UNC13C: variants seen among roughly 807,000 people sequenced by gnomAD.
UNC13C encodes the protein protein unc-13 homolog C.
A neutral mutation model predicts 245.4 loss-of-function variants in UNC13C; 174 were observed. That is an observed-to-expected ratio of 0.71 (90% confidence interval 0.63 to 0.80). The LOEUF (loss-of-function observed/expected upper bound fraction) is 0.80. Among genes scored for constraint, UNC13C ranks in the 30% least tolerant of loss-of-function variants. The pLI, the probability that UNC13C is intolerant of heterozygous loss-of-function variation, is 0.00. For synonymous variants in UNC13C, 992 were observed against 895.1 expected (o/e 1.11, Z -1.93); for missense variants, 2,829 against 2,602.9 (o/e 1.09, Z -1.89).
intron 4 of UNC13C, among the ~76,000 whole-genome samples, chr15:54,192,729 A>T (rs552503663): frequency 6.6e-6 from 1 of 152,122 alleles, no homozygotes; most frequent in Non-Finnish European, 1.5e-5. Context: ...TTCACTTGAG[A>T]TCTGTAGCTG....
At chr15:54,222,216 A>T (rs56218870) in intron 4 of UNC13C, among the ~76,000 whole-genome samples, 24,882 of 151,824 alleles carry the variant, frequency 0.16, 2,529 homozygotes, top group African/African-American at 0.27. Flanking sequence ...TTTTGTACCC[A>T]TTAACCATTC....
chr15:54,187,158 T>C (rs1170886410), intron 4 of UNC13C, among the ~76,000 whole-genome samples: 1 of 152,094 alleles, frequency 6.6e-6, no homozygotes, highest in Non-Finnish European at 1.5e-5. Flanking sequence ...TTCCTGAGAG[T>C]AATTCTTTAA....
In UNC13C at chr15:54,605,096, G is replaced by A. The variant is rs572909932; in HGVS notation, c.6107-17231G>A. ...GGAGTTAGGATTCACTGCCTGAGAC[G>A]AGAAACAAGACCTGCTGGGTAGTAA... On this transcript the variant is annotated intron_variant, in intron 30 of 32. Transcript: ENST00000260323. 5.9e-5 allele frequency among the ~76,000 whole-genome samples: 9 copies of A among 152,270 alleles called. No homozygotes were observed. In the South Asian group the frequency reaches 1.2e-3, roughly 21 times the overall value.
intron 18 of UNC13C, among the ~76,000 whole-genome samples, chr15:54,395,412 G>A (rs1050154488): frequency 1.3e-5 from 2 of 151,770 alleles, no homozygotes; most frequent in Non-Finnish European, 2.9e-5. Context: ...GGATCACATG[G>A]GCTACTAGCT....
intron 17 of UNC13C, among the ~76,000 whole-genome samples, chr15:54,347,361 CA>C (rs1367042047): frequency 6.6e-6 from 1 of 152,168 alleles, no homozygotes; most frequent in African/African-American, 2.4e-5. Context: ...AAGAAGATGT[CA>C]AAAACCAATA....
At position 54,555,525 on chromosome 15, in the gene UNC13C, T is replaced by A. The variant is rs1897050970; in HGVS notation, c.5958+13T>A. On this transcript the variant is annotated intron_variant, in intron 29 of 32. Transcript: ENST00000260323. ...GGCTACCATCAAGGTGAGATTATAATGCTCCTATATATACATCGAGAGAGG... is the reference window on the plus strand; with the variant it reads ...GGCTACCATCAAGGTGAGATTATAAAGCTCCTATATATACATCGAGAGAGG... 1 of 1,603,528 alleles carries A rather than the reference T, an allele frequency of 6.2e-7. No individual in the cohort carries two copies. Among genetic ancestry groups the A allele is most frequent in the Non-Finnish European group, 8.5e-7 (1 of 1,172,264 alleles).
At position 54,293,308 on chromosome 15, in the gene UNC13C, C is replaced by T. The variant is rs77174650; in HGVS notation, c.3819-587C>T. Among the ~76,000 whole-genome samples, 122 of 152,008 alleles carry T rather than the reference C, an allele frequency of 8.0e-4. No homozygotes were observed. In the East Asian group the frequency reaches 0.014, roughly 17 times the overall value. ...GTAGGCAATACTAAGTAGCTTGCCT[C>T]AACAAAAGAGGGTGAAGAAAACCTG... On this transcript the variant is annotated intron_variant, in intron 10 of 32. Coordinates refer to ENST00000260323, the MANE Select transcript of UNC13C (RefSeq NM_001080534.3).
At chr15:54,234,148 T>C (rs975684389) in intron 4 of UNC13C, among the ~76,000 whole-genome samples, 2 of 152,182 alleles carry the variant, frequency 1.3e-5, no homozygotes, top group Admixed American at 1.3e-4. Flanking sequence ...TCCACAGAGG[T>C]AACTACAGTT....
chr15:54,325,408 CA>C (rs776331377), intron 14 of UNC13C, among the ~76,000 whole-genome samples: 16 of 151,996 alleles, frequency 1.1e-4, no homozygotes, highest in Non-Finnish European at 1.6e-4. Flanking sequence ...CTTTATACAA[CA>C]GTCTTTTTGT....
At chr15:53,924,672 A>G in the UNC13C span, among the ~76,000 whole-genome samples, 7 of 152,212 alleles carry the variant, frequency 4.6e-5, no homozygotes, top group African/African-American at 1.4e-4. Flanking sequence ...GATATGCCAT[A>G]CAAACTGGCT....
intron 19 of UNC13C, among the ~76,000 whole-genome samples, chr15:54,442,064 A>C (rs79303948): frequency 0.03 from 4,511 of 151,934 alleles, 180 homozygotes; most frequent in Admixed American, 0.12. Context: ...CATTTTAAGA[A>C]TTTTCTGATA....
chr15:54,062,067 C>T (rs1408656917), intron 2 of UNC13C, among the ~76,000 whole-genome samples: 1 of 152,052 alleles, frequency 6.6e-6, no homozygotes, highest in Non-Finnish European at 1.5e-5. Context: ...CACCTGTAAT[C>T]CCAGCAGTTT....
Position 54,428,438 on chromosome 15 carries a change from C to T in UNC13C, c.4933+13371C>T, listed in dbSNP as rs184856918. On this transcript the variant is annotated intron_variant, in intron 19 of 32. Coordinates refer to ENST00000260323, the MANE Select transcript of UNC13C (RefSeq NM_001080534.3). ...CTCAGGTTGTCTGCATATCTGTTCCCTCTGCTTGGACTACTCTTTTCCTGA... is the reference window on the plus strand; with the variant it reads ...CTCAGGTTGTCTGCATATCTGTTCCTTCTGCTTGGACTACTCTTTTCCTGA... Among the ~76,000 whole-genome samples the T allele has an allele frequency of 9.9e-5, 15 of 151,514 alleles. No individual in the cohort carries two copies. In the East Asian group the frequency reaches 2.8e-3, roughly 28 times the overall value.
intron 19 of UNC13C, among the ~76,000 whole-genome samples, chr15:54,417,248 C>T (rs1367658220): frequency 6.6e-6 from 1 of 152,006 alleles, no homozygotes; most frequent in South Asian, 2.1e-4. Context: ...CCAACTTTAC[C>T]AGGTAATCCC....
intron 7 of UNC13C, among the ~76,000 whole-genome samples, chr15:54,240,482 A>T (rs2035822082): frequency 6.6e-6 from 1 of 152,288 alleles, no homozygotes; most frequent in South Asian, 2.1e-4. Flanking sequence ...AAATGGTACC[A>T]CTTCTATTTT....
Position 54,321,937 on chromosome 15 carries a change from A to C in UNC13C, c.4269-2A>C. ...AAACACTTTATGTTTTTTGTCTTTC[A>C]GGCACTTTTCATGTCTGTCTTCTAA... On this transcript the variant is annotated splice_acceptor_variant, in intron 13 of 32. Transcript: ENST00000260323. LOFTEE classifies it high-confidence loss of function. 2 of 1,564,158 alleles carry C rather than the reference A, an allele frequency of 1.3e-6. No homozygotes were observed. Among genetic ancestry groups the C allele is most frequent in the Non-Finnish European group, 1.7e-6 (2 of 1,154,028 alleles).
At chr15:54,076,215 G>A (rs1898612868) in intron 2 of UNC13C, among the ~76,000 whole-genome samples, 1 of 149,162 alleles carries the variant, frequency 6.7e-6, no homozygotes, top group Non-Finnish European at 1.5e-5. Flanking sequence ...CCACTAACTC[G>A]TCATCTAGCA....
At chr15:53,936,051 TG>T in the UNC13C span, among the ~76,000 whole-genome samples, 1 of 152,178 alleles carries the variant, frequency 6.6e-6, no homozygotes, top group Non-Finnish European at 1.5e-5. Flanking sequence ...CCCACTCCCG[TG>T]GCACCTCACA....
rs372623344 is a variant in UNC13C at position 54,186,836 on chromosome 15, A to AATATATATATATATATATATATATATAT, written c.3071+43160_3071+43161insATATATATATATATATATATATATATAT. ...GTCCACTGACACATACAAAGAACAT[A>AATATATATATATATATATATATATATAT]ATATATATGTATATATATATTTTGT... On this transcript the variant is annotated intron_variant, in intron 4 of 32. Transcript: ENST00000260323. Among the ~76,000 whole-genome samples, 898 of 125,452 alleles carry AATATATATATATATATATATATATATAT rather than the reference A, an allele frequency of 7.2e-3. 37 individuals carry two copies. The highest frequency in any genetic ancestry group is 0.01 in the Non-Finnish European group (596 of 59,212). 82.3% of individuals were successfully genotyped at this position (125,452 alleles called of 152,430 possible).
Sources: gnomAD v4.1 joint callset for allele counts (sites outside exome capture counted in the v4.1 genomes callset) on GRCh38, gnomAD v4.1.1 for gene constraint, MANE v1.5 for transcripts, NCBI Gene and HGNC (gene_info 2026-07-23, HGNC 2026-07-21) for gene names.